CCDC171: variants seen among roughly 807,000 people sequenced by gnomAD.
The protein encoded by CCDC171 is coiled-coil domain-containing protein 171.
CCDC171 carries 177 observed loss-of-function variants against 168.2 expected under a neutral mutation model. The observed-to-expected ratio is 1.05, with a 90% CI of 0.93 to 1.19. CCDC171 has a LOEUF of 1.19. Among genes scored for constraint, CCDC171 ranks in the 50% most tolerant of loss-of-function variants. CCDC171 has a pLI of 0.00. For missense variants in CCDC171, 1,991 were observed against 1,539.0 expected, an observed-to-expected ratio of 1.29 and a Z score of -4.91; for synonymous variants, 687 against 540.8, an observed-to-expected ratio of 1.27 and a Z score of -3.75.
At chr9:15,875,823 T>C (rs1415415122) in intron 24 of CCDC171, 1 of 152,022 alleles carries the variant, frequency 6.6e-6, no homozygotes, top group Admixed American at 6.6e-5. Flanking sequence ...GTCTAAAATA[T>C]ATATAATTAT....
intron 7 of CCDC171, among the ~76,000 whole-genome samples, chr9:15,649,137 G>C (rs202075697): frequency 2.0e-5 from 3 of 152,016 alleles, no homozygotes; most frequent in Non-Finnish European, 4.4e-5. Context: ...GACAAAAACA[G>C]GAAATGGGGA....
chr9:15,591,033 G>A (rs1175539423), intron 4 of CCDC171, among the ~76,000 whole-genome samples: 2 of 151,748 alleles, frequency 1.3e-5, no homozygotes, highest in African/African-American at 4.8e-5. Flanking sequence ...TTCTTGAATA[G>A]GACAAAAACC....
At position 15,744,265 on chromosome 9, in the gene CCDC171, T is replaced by C; in HGVS notation, c.2050-8T>C. ...ATGATCAAATATATTTTTTGACTTC[T>C]TCCATAGAAATTTCAAGAAATTGCT... On this transcript the variant is annotated splice_polypyrimidine_tract_variant and splice_region_variant and intron_variant, in intron 16 of 25. Coordinates refer to ENST00000380701, the MANE Select transcript of CCDC171 (RefSeq NM_173550.4). The C allele has an allele frequency of 6.4e-7, 1 of 1,570,590 alleles. No individual in the cohort carries two copies. Among genetic ancestry groups the C allele is most frequent in the Admixed American group, 1.9e-5 (1 of 52,262 alleles).
Position 15,784,503 on chromosome 9 carries a change from T to C in CCDC171, c.3082-6T>C. The stretch of plus-strand genomic sequence containing the variant: ...AACTGATTCTCCCCTCTCCTCCTTT[T>C]TACAGAAATTGATCACCCATGAGAA... On this transcript the variant is annotated splice_region_variant and splice_polypyrimidine_tract_variant and intron_variant, in intron 20 of 25. Coordinates refer to ENST00000380701, the MANE Select transcript of CCDC171 (RefSeq NM_173550.4). The C allele has an allele frequency of 1.9e-6, 3 of 1,601,710 alleles. No individual in the cohort carries two copies. The highest frequency in any genetic ancestry group is 2.6e-6 in the Non-Finnish European group (3 of 1,170,796).
intron 11 of CCDC171, among the ~76,000 whole-genome samples, chr9:15,699,277 G>T (rs1166959330): frequency 6.6e-6 from 1 of 152,066 alleles, no homozygotes; most frequent in Non-Finnish European, 1.5e-5. Flanking sequence ...GTGGGCTCGT[G>T]GGCTCGCTGG....
intron 11 of CCDC171, among the ~76,000 whole-genome samples, chr9:15,708,464 T>C (rs1170595813): frequency 1.3e-5 from 2 of 152,180 alleles, no homozygotes; most frequent in African/African-American, 4.8e-5. Context: ...CTTTTGGAAA[T>C]GGAGGGTCTG....
chr9:15,568,215 C>G (rs2132646423), intron 2 of CCDC171, among the ~76,000 whole-genome samples: 1 of 151,304 alleles, frequency 6.6e-6, no homozygotes, highest in South Asian at 2.1e-4. Flanking sequence ...AGTATGCATG[C>G]CTTTTATTTC....
intron 3 of CCDC171, among the ~76,000 whole-genome samples, chr9:15,992,128 A>G (rs1459708561): frequency 1.3e-5 from 2 of 152,226 alleles, no homozygotes; most frequent in Non-Finnish European, 2.9e-5. Context: ...CACAACAAAA[A>G]AAAGAGAATT....
chr9:15,729,715 C>A lies in CCDC171; in HGVS notation c.1966C>A (p.Gln656Lys). 2 of 1,613,420 alleles carry A rather than the reference C, an allele frequency of 1.2e-6. No homozygotes were observed. The highest frequency in any genetic ancestry group is 8.5e-7 in the Non-Finnish European group (1 of 1,179,578). The change falls in exon 16 of 26, where the codon CAA (glutamine) becomes AAA (lysine). Residue 656 changes from glutamine to lysine, a missense_variant. Gln to Lys is a moderately conservative substitution (Grantham distance 53). Coordinates refer to ENST00000380701, the MANE Select transcript of CCDC171 (RefSeq NM_173550.4). ...CAAAGTGGCAGAACAGATCAAAGCC[C>A]AAGAGAGCTGCTGGCACAGACAAAA... is the stretch of plus-strand genomic sequence containing the variant. The part of the protein sequence containing the change: ...FTKVAEQIKA[Q>K]ESCWHRQKKE...
intron 18 of CCDC171, among the ~76,000 whole-genome samples, chr9:15,772,510 A>G (rs1259637318): frequency 6.6e-6 from 1 of 152,208 alleles, no homozygotes; most frequent in African/African-American, 2.4e-5. Flanking sequence ...ACACAAGCAT[A>G]ATTTTTACTC....
At chr9:16,008,860 A>C (rs1046309423) in intron 3 of CCDC171, among the ~76,000 whole-genome samples, 10 of 152,168 alleles carry the variant, frequency 6.6e-5, no homozygotes, top group Admixed American at 4.6e-4. Context: ...GCCCATCTAT[A>C]AAACATCACC....
intron 8 of CCDC171, among the ~76,000 whole-genome samples, chr9:16,037,290 AAATACATGGATG>A (rs1400482383): frequency 1.3e-5 from 2 of 152,206 alleles, no homozygotes; most frequent in African/African-American, 4.8e-5. Context: ...GTCTAAAAAT[AAATACATGGATG>A]AATAAATGTG....
chr9:15,936,865 C>A (rs1282327498), intron 25 of CCDC171, among the ~76,000 whole-genome samples: 1 of 152,014 alleles, frequency 6.6e-6, no homozygotes, highest in Non-Finnish European at 1.5e-5. Flanking sequence ...TTTTAAAACT[C>A]TGTACCACTA....
intron 16 of CCDC171, among the ~76,000 whole-genome samples, chr9:15,738,042 A>T (rs369033851): frequency 1.3e-5 from 2 of 152,226 alleles, no homozygotes; most frequent in Non-Finnish European, 1.5e-5. Context: ...AAGGCAAGAT[A>T]TGAAACTTAT....
At chr9:15,766,126 C>T (rs949729229) in intron 18 of CCDC171, among the ~76,000 whole-genome samples, 3 of 152,154 alleles carry the variant, frequency 2.0e-5, no homozygotes, top group Admixed American at 6.5e-5. Flanking sequence ...AGCTATGACA[C>T]AAACCCATTA....
intron 11 of CCDC171, among the ~76,000 whole-genome samples, chr9:15,705,369 G>C (rs2052136608): frequency 6.6e-6 from 1 of 152,192 alleles, no homozygotes; most frequent in Admixed American, 6.5e-5. Context: ...AAGCCAAAAT[G>C]GTATCAATGG....
chr9:15,996,762 T>C (rs1169860581), intron 3 of CCDC171, among the ~76,000 whole-genome samples: 1 of 152,238 alleles, frequency 6.6e-6, no homozygotes, highest in Admixed American at 6.5e-5. Flanking sequence ...AAAAGGATAA[T>C]TTTAGTTTTG....
Position 15,868,419 on chromosome 9 carries a change from T to C in CCDC171, c.3469-6113T>C, listed in dbSNP as rs527671630. Among the ~76,000 whole-genome samples, 44 of 152,036 alleles carry C rather than the reference T, an allele frequency of 2.9e-4. No homozygotes were observed. In the South Asian group the frequency reaches 8.9e-3, roughly 31 times the overall value. On this transcript the variant is annotated intron_variant, in intron 23 of 25. Transcript: ENST00000380701. ...TCCTCCATTATGACATTGTGATCAT[T>C]GTATAAGGATGATTGCTACACAGGT...
chr9:15,586,313 A>G (rs1339987561), intron 4 of CCDC171, among the ~76,000 whole-genome samples: 1 of 152,198 alleles, frequency 6.6e-6, no homozygotes, highest in Non-Finnish European at 1.5e-5. Flanking sequence ...TGTTTTTAAA[A>G]TTTTTATAGT....
Sources: gnomAD v4.1 joint callset for allele counts (sites outside exome capture counted in the v4.1 genomes callset) on GRCh38, gnomAD v4.1.1 for gene constraint, MANE v1.5 for transcripts, NCBI Gene and HGNC (gene_info 2026-07-23, HGNC 2026-07-21) for gene names.